The following PTPRD variants were observed in gnomAD, a reference collection of about 807,000 sequenced individuals.
The protein encoded by PTPRD is protein tyrosine phosphatase receptor type D.
Under a neutral mutation model 214.5 loss-of-function variants are expected in PTPRD, and 34 were observed. The ratio of observed to expected loss-of-function variants is 0.16; its 90% confidence interval spans 0.12 to 0.21. The LOEUF (loss-of-function observed/expected upper bound fraction) is 0.21, where lower values mean the gene tolerates loss of function less well. Among genes scored for constraint, PTPRD ranks in the 10% least tolerant of loss-of-function variants. PTPRD has a pLI of 1.00. For missense variants in PTPRD, 2,545 were observed against 2,398.7 expected (o/e 1.06, Z -1.27); for synonymous variants, 1,128 against 845.7 (o/e 1.33, Z -5.79).
chr9:8,754,569 G>A (rs2093817695), intron 11 of PTPRD, among the ~76,000 whole-genome samples: 1 of 152,140 alleles, frequency 6.6e-6, no homozygotes, highest in African/African-American at 2.4e-5. Flanking sequence ...AACATACACT[G>A]ACCCTCTACC....
intron 2 of PTPRD, among the ~76,000 whole-genome samples, chr9:10,425,657 G>T (rs1432634419): frequency 6.6e-6 from 1 of 151,830 alleles, no homozygotes; most frequent in African/African-American, 2.4e-5. Context: ...TTGTTTTTTA[G>T]TCTGTTGAGA....
chr9:9,534,043 A>T (rs543242477), intron 8 of PTPRD, among the ~76,000 whole-genome samples: 1 of 152,164 alleles, frequency 6.6e-6, no homozygotes, highest in East Asian at 1.9e-4. Flanking sequence ...ACATACTCAC[A>T]CACACTAGCA....
chr9:10,153,034 G>A (rs1479473838), intron 3 of PTPRD, among the ~76,000 whole-genome samples: 3 of 152,188 alleles, frequency 2.0e-5, no homozygotes, highest in African/African-American at 4.8e-5. Context: ...ATGGGGAGAC[G>A]TTGGTCAAAG....
rs368569562 is a variant in PTPRD, at chr9:8,392,211, C to A, written c.4211-2804G>T. ...CCAGTCTGAGCAACATGGTGAGACC[C>A]TGTCTCTACAAAAAAATAAAAATAA... On this transcript the variant is annotated intron_variant, in intron 36 of 45. Coordinates refer to ENST00000381196, the MANE Select transcript of PTPRD (RefSeq NM_002839.4). 2.0e-5 allele frequency among the ~76,000 whole-genome samples: 3 copies of A among 152,036 alleles called. No individual in the cohort carries two copies. In the East Asian group the frequency reaches 5.8e-4, roughly 29 times the overall value.
chr9:8,977,722 G>A (rs976356380), intron 11 of PTPRD, among the ~76,000 whole-genome samples: 12 of 145,526 alleles, frequency 8.2e-5, no homozygotes, highest in Non-Finnish European at 9.0e-5. Context: ...AGAATCCCCT[G>A]GTACACAACT....
chr9:9,897,699 CATA>C (rs551870276), intron 5 of PTPRD, among the ~76,000 whole-genome samples: 43 of 152,096 alleles, frequency 2.8e-4, no homozygotes, highest in East Asian at 9.7e-4. Context: ...TTTACTCAAA[CATA>C]ATAATTTTAC....
intron 3 of PTPRD, among the ~76,000 whole-genome samples, chr9:10,261,836 T>C (rs986321860): frequency 1.3e-5 from 2 of 152,114 alleles, no homozygotes; most frequent in African/African-American, 4.8e-5. Flanking sequence ...CTATACCAGG[T>C]ATCAAAGTAG....
intron 7 of PTPRD, among the ~76,000 whole-genome samples, chr9:9,705,503 G>T (rs1258195748): frequency 2.6e-5 from 4 of 152,096 alleles, no homozygotes; most frequent in African/African-American, 4.8e-5. Context: ...CCAAGAATGA[G>T]ATCACTTCTA....
At chr9:10,015,421 A>C (rs1428406949) in intron 4 of PTPRD, among the ~76,000 whole-genome samples, 1 of 152,056 alleles carries the variant, frequency 6.6e-6, no homozygotes, top group Non-Finnish European at 1.5e-5. Context: ...AATAATTTAC[A>C]CTCAAATTAC....
chr9:8,403,504 T>C (rs914326565), intron 36 of PTPRD, among the ~76,000 whole-genome samples: 2 of 152,196 alleles, frequency 1.3e-5, no homozygotes, highest in Non-Finnish European at 2.9e-5. Context: ...TCCAATCCAA[T>C]GTGCTCCTGT....
intron 11 of PTPRD, among the ~76,000 whole-genome samples, chr9:8,986,849 G>A (rs2099347282): frequency 6.6e-6 from 1 of 152,012 alleles, no homozygotes; most frequent in Non-Finnish European, 1.5e-5. Flanking sequence ...TGCAGTTATT[G>A]AAGTTTTTTT....
At chr9:9,785,755 G>A (rs2098918435) in intron 5 of PTPRD, among the ~76,000 whole-genome samples, 1 of 152,070 alleles carries the variant, frequency 6.6e-6, no homozygotes, top group South Asian at 2.1e-4. Context: ...TAGTACCAGT[G>A]TTAATTATAC....
At chr9:9,967,132 G>A (rs2094761064) in intron 4 of PTPRD, among the ~76,000 whole-genome samples, 1 of 152,098 alleles carries the variant, frequency 6.6e-6, no homozygotes, top group Admixed American at 6.6e-5. Context: ...CAGTCTGCCT[G>A]GGACCCATGC....
intron 43 of PTPRD, among the ~76,000 whole-genome samples, chr9:8,337,632 A>G (rs1406980476): frequency 6.6e-6 from 1 of 151,944 alleles, no homozygotes; most frequent in Non-Finnish European, 1.5e-5. Flanking sequence ...TGTAGTAGCT[A>G]AGAAAATTAT....
At chr9:10,384,006 G>A (rs1458113286) in intron 2 of PTPRD, among the ~76,000 whole-genome samples, 3 of 150,456 alleles carry the variant, frequency 2.0e-5, no homozygotes, top group African/African-American at 4.9e-5. Context: ...GAGAGGAGAA[G>A]GATGGTTACC....
intron 39 of PTPRD, among the ~76,000 whole-genome samples, chr9:8,357,657 G>A (rs2077314011): frequency 6.6e-6 from 1 of 152,106 alleles, no homozygotes. Flanking sequence ...CTTAATACTA[G>A]GGACGCTATA....
intron 14 of PTPRD, among the ~76,000 whole-genome samples, chr9:8,551,797 T>C (rs931003292): frequency 5.9e-5 from 9 of 152,212 alleles, no homozygotes; most frequent in African/African-American, 2.2e-4. Context: ...AACCTCTTTT[T>C]GCCTAGAATA....
chr9:8,514,958 C>T (rs2097759164), intron 21 of PTPRD, among the ~76,000 whole-genome samples: 1 of 152,154 alleles, frequency 6.6e-6, no homozygotes. Context: ...CTTCTCTCTC[C>T]TGCCACCATG....
At chr9:9,009,914 A>T (rs139032531) in intron 11 of PTPRD, among the ~76,000 whole-genome samples, 3 of 152,066 alleles carry the variant, frequency 2.0e-5, no homozygotes, top group Non-Finnish European at 4.4e-5. Flanking sequence ...TTTTAGGTTG[A>T]CTTGGTGCCT....
Sources: gnomAD v4.1 joint callset for allele counts (sites outside exome capture counted in the v4.1 genomes callset) on GRCh38, gnomAD v4.1.1 for gene constraint, MANE v1.5 for transcripts, NCBI Gene and HGNC (gene_info 2026-07-23, HGNC 2026-07-21) for gene names.